Variants in CREBBP observed in about 807,000 individuals in gnomAD.
CREBBP encodes CREB-binding protein.
In CREBBP, 19 loss-of-function variants were observed where a neutral mutation model predicts 265.0. The observed-to-expected ratio is 0.07, with a 90% CI of 0.05 to 0.11. CREBBP has a LOEUF of 0.11. CREBBP is among the 10% of genes least tolerant of loss of function. The pLI, the probability that CREBBP is intolerant of heterozygous loss-of-function variation, is 1.00. For synonymous variants in CREBBP, 1,457 were observed against 1,223.7 expected, an observed-to-expected ratio of 1.19 and a Z score of -3.98; for missense variants, 2,525 against 3,219.0, an observed-to-expected ratio of 0.78 and a Z score of 5.22.
chr16:3,801,962 C>G (rs1427644082), intron 3 of CREBBP, among the ~76,000 whole-genome samples: 1 of 152,082 alleles, frequency 6.6e-6, no homozygotes, highest in East Asian at 1.9e-4. Context: ...TCACTGAGCC[C>G]ACTCACCCCA....
At chr16:3,819,901 C>A (rs2054109239) in intron 2 of CREBBP, among the ~76,000 whole-genome samples, 1 of 152,146 alleles carries the variant, frequency 6.6e-6, no homozygotes, top group African/African-American at 2.4e-5. Context: ...CACTCATAAG[C>A]CAGCCACGAC....
intron 2 of CREBBP, among the ~76,000 whole-genome samples, chr16:3,840,272 GC>G (rs1224857489): frequency 6.6e-5 from 10 of 152,298 alleles, no homozygotes; most frequent in African/African-American, 2.2e-4. Context: ...AGAAATTCCA[GC>G]CAGGCATGAT....
intron 1 of CREBBP, among the ~76,000 whole-genome samples, chr16:3,854,826 A>G (rs1290734455): frequency 6.6e-6 from 1 of 152,222 alleles, no homozygotes; most frequent in East Asian, 1.9e-4. Flanking sequence ...CACGTCTAAC[A>G]CACACTTGTT....
intron 1 of CREBBP, among the ~76,000 whole-genome samples, chr16:3,879,036 C>A (rs1268946237): frequency 1.1e-5 from 1 of 94,662 alleles, no homozygotes; most frequent in Non-Finnish European, 2.3e-5. Flanking sequence ...TTCCTTAATT[C>A]TTTGTACATC....
chr16:3,824,050 G>A (rs1332545102), intron 2 of CREBBP, among the ~76,000 whole-genome samples: 1 of 152,168 alleles, frequency 6.6e-6, no homozygotes, highest in African/African-American at 2.4e-5. Context: ...CTGTGCAGTG[G>A]TGACACACAC....
chr16:3,839,750 A>G, intron 2 of CREBBP, among the ~76,000 whole-genome samples: 1 of 144,902 alleles, frequency 6.9e-6, no homozygotes, highest in African/African-American at 2.6e-5. Context: ...GGAGGGAAGG[A>G]AAGGAAGGGA....
chr16:3,755,328 G>A (rs1029716048), intron 19 of CREBBP, among the ~76,000 whole-genome samples: 6 of 152,128 alleles, frequency 3.9e-5, no homozygotes, highest in Non-Finnish European at 8.8e-5. Context: ...CCAGGAACAG[G>A]CCCCACAACA....
At position 3,726,077 on chromosome 16, in the gene CREBBP, T is replaced by C. The variant is rs2051734837; in HGVS notation, c.*1641A>G. ...CCCCGAAGTGGGGGACCTTTCTCAC[T>C]GTAACAGGGACCGGAGCTGGTGCTC... On this transcript the variant is annotated 3_prime_UTR_variant, in exon 31 of 31. Transcript: ENST00000262367. 1 of 233,170 alleles carries C rather than the reference T, an allele frequency of 4.3e-6. No individual in the cohort carries two copies. The highest frequency in any genetic ancestry group is 2.2e-5 in the African/African-American group (1 of 45,336). 14.4% of individuals were successfully genotyped at this position (233,170 alleles called of 1,614,324 possible).
chr16:3,780,571 C>A (rs1253319692), intron 8 of CREBBP, among the ~76,000 whole-genome samples, 161 bp downstream of exon 8: 1 of 152,242 alleles, frequency 6.6e-6, no homozygotes, highest in African/African-American at 2.4e-5. Context: ...GTGTGGGAAT[C>A]TCTGGCCTGC....
intron 1 of CREBBP, among the ~76,000 whole-genome samples, chr16:3,868,786 C>T (rs2055232484): frequency 6.6e-6 from 1 of 152,208 alleles, no homozygotes; most frequent in Admixed American, 6.5e-5. Context: ...CACCACACCA[C>T]ACAACTCAGA....
chr16:3,827,577 G>C (rs2054262372), intron 2 of CREBBP, among the ~76,000 whole-genome samples: 1 of 152,032 alleles, frequency 6.6e-6, no homozygotes, highest in Non-Finnish European at 1.5e-5. Flanking sequence ...ATTTTTAGTG[G>C]AGACGGGGTT....
chr16:3,813,657 C>T (rs981464268), intron 2 of CREBBP, among the ~76,000 whole-genome samples: 1 of 152,256 alleles, frequency 6.6e-6, no homozygotes, highest in East Asian at 1.9e-4. Context: ...TGACAGAACA[C>T]CCACACTCAT....
chr16:3,852,892 C>T lies in CREBBP; in HGVS notation c.86-1883G>A, dbSNP rs1036902022. Among the ~76,000 whole-genome samples the T allele has an allele frequency of 4.6e-5, 7 of 151,590 alleles. No homozygotes were observed. In the South Asian group the frequency reaches 6.2e-4, roughly 13 times the overall value. ...ATTTCCCACGCACTCTAACCCACAA[C>T]GGCCAGGCTATTCATGTATGTGCAA... On this transcript the variant is annotated intron_variant, in intron 1 of 30. Transcript: ENST00000262367.
At chr16:3,762,900 G>A (rs1199767062) in intron 16 of CREBBP, among the ~76,000 whole-genome samples, 4 of 151,772 alleles carry the variant, frequency 2.6e-5, no homozygotes, top group Non-Finnish European at 4.4e-5. Context: ...TCAGCCTCCC[G>A]AGTCGCTGGG....
At chr16:3,878,271 C>G (rs1481159565) in intron 1 of CREBBP, among the ~76,000 whole-genome samples, 2 of 152,222 alleles carry the variant, frequency 1.3e-5, no homozygotes, top group Non-Finnish European at 2.9e-5. Flanking sequence ...CAACGGAGAT[C>G]TGTTTTGCAG....
rs2055492444 is a variant in CREBBP, at chr16:3,879,945, G to A, written c.-29C>T. 2 of 1,600,366 alleles carry A rather than the reference G, an allele frequency of 1.2e-6. No homozygotes were observed. The highest frequency in any genetic ancestry group is 1.3e-5 in the African/African-American group (1 of 74,278). ...CACCTGCTCGCGAAAACAGCCCCGG[G>A]CACGGGCGGCCGGGCCGGCGAGGGC... On this transcript the variant is annotated 5_prime_UTR_variant, in exon 1 of 31. Coordinates refer to ENST00000262367, the MANE Select transcript of CREBBP (RefSeq NM_004380.3).
At chr16:3,775,618 A>T (rs1185050127) in intron 11 of CREBBP, among the ~76,000 whole-genome samples, 1 of 152,170 alleles carries the variant, frequency 6.6e-6, no homozygotes, top group Admixed American at 6.5e-5. Flanking sequence ...GACCAGGAAG[A>T]CTTTCCAGGG....
At chr16:3,828,319 C>T (rs1258285385) in intron 2 of CREBBP, among the ~76,000 whole-genome samples, 3 of 152,136 alleles carry the variant, frequency 2.0e-5, no homozygotes, top group South Asian at 2.1e-4. Flanking sequence ...CTCGAACTCA[C>T]GACGTCAGGT....
At chr16:3,773,991 G>T (rs2053078121) in intron 12 of CREBBP, 61 bp from the exon 13 acceptor site, 1 of 1,577,996 alleles carries the variant, frequency 6.3e-7, no homozygotes. Context: ...GAGTTTTCAA[G>T]GTGAGCCAGA....
Sources: allele counts gnomAD v4.1 joint callset (sites outside exome capture counted in the v4.1 genomes callset), GRCh38; gene constraint gnomAD v4.1.1; transcripts MANE v1.5; gene names NCBI Gene and HGNC (gene_info 2026-07-23, HGNC 2026-07-21).